Variants in ENTREP2 observed in about 807,000 individuals in gnomAD.
The protein encoded by ENTREP2 is endosomal transmembrane epsin interactor 2.
At chr15:29,468,312 A>G in the ENTREP2 span, among the ~76,000 whole-genome samples, 73,838 of 151,982 alleles carry the variant, frequency 0.49, 18,508 homozygotes, top group African/African-American at 0.63. Context: ...CTAAATGTGA[A>G]TGATTAAGAA....
chr15:29,593,350 T>C, the ENTREP2 span, among the ~76,000 whole-genome samples: 2 of 152,258 alleles, frequency 1.3e-5, no homozygotes, highest in South Asian at 4.1e-4. Context: ...TATGCCCTCA[T>C]TCATTCCTGA....
At chr15:29,200,717 C>T in the ENTREP2 span, among the ~76,000 whole-genome samples, 3 of 151,864 alleles carry the variant, frequency 2.0e-5, no homozygotes, top group African/African-American at 7.3e-5. Flanking sequence ...CGCCACCAGG[C>T]CCAGCTAATT....
chr15:29,396,018 A>G, the ENTREP2 span, among the ~76,000 whole-genome samples: 1 of 152,346 alleles, frequency 6.6e-6, no homozygotes, highest in South Asian at 2.1e-4. Context: ...TATAAAATGT[A>G]CAACATGATT....
the ENTREP2 span, among the ~76,000 whole-genome samples, chr15:29,595,383 C>T: frequency 6.6e-6 from 1 of 152,298 alleles, no homozygotes; most frequent in East Asian, 1.9e-4. Flanking sequence ...TTATTAACAT[C>T]TTACCTTAAT....
the ENTREP2 span, among the ~76,000 whole-genome samples, chr15:29,176,260 C>T: frequency 1.5e-4 from 23 of 152,220 alleles, no homozygotes; most frequent in African/African-American, 5.3e-4. Context: ...TCCTGAGAGC[C>T]GTGGCACATA....
chr15:29,675,304 G>C, the ENTREP2 span: 1 of 152,280 alleles, frequency 6.6e-6, no homozygotes, highest in African/African-American at 2.4e-5. Context: ...TCCTGGGACC[G>C]CGGGATGGGA....
chr15:29,352,607 GC>G, the ENTREP2 span, among the ~76,000 whole-genome samples: 3 of 152,044 alleles, frequency 2.0e-5, no homozygotes, highest in Admixed American at 2.0e-4. Flanking sequence ...TCATCACCTG[GC>G]AGATTTACTA....
the ENTREP2 span, among the ~76,000 whole-genome samples, chr15:29,349,774 T>C: frequency 6.6e-6 from 1 of 152,132 alleles, no homozygotes; most frequent in Admixed American, 6.5e-5. Context: ...GGCGCGTACC[T>C]GTAGTCCCAG....
chr15:29,566,293 G>T, the ENTREP2 span, among the ~76,000 whole-genome samples: 5 of 151,608 alleles, frequency 3.3e-5, no homozygotes, highest in Admixed American at 6.6e-5. Flanking sequence ...AGAGCAGCTG[G>T]AACTACAGGC....
the ENTREP2 span, among the ~76,000 whole-genome samples, chr15:29,518,290 G>A: frequency 2.0e-5 from 3 of 152,208 alleles, no homozygotes; most frequent in Admixed American, 2.0e-4. Context: ...TAGTAACCAT[G>A]CCGTACGTTA....
At chr15:29,456,067 G>A in the ENTREP2 span, among the ~76,000 whole-genome samples, 10 of 152,064 alleles carry the variant, frequency 6.6e-5, no homozygotes, top group Admixed American at 3.3e-4. Flanking sequence ...TACAATAAAC[G>A]TAATGTGCTT....
the ENTREP2 span, among the ~76,000 whole-genome samples, chr15:29,134,158 T>C: frequency 6.6e-6 from 1 of 152,136 alleles, no homozygotes; most frequent in Non-Finnish European, 1.5e-5. Context: ...CTGATAACAT[T>C]GATTTGAATT....
chr15:29,513,733 T>C, the ENTREP2 span, among the ~76,000 whole-genome samples: 1,015 of 152,272 alleles, frequency 6.7e-3, 5 homozygotes, highest in African/African-American at 0.024. Flanking sequence ...CCCACCCAAA[T>C]GCAAGCTCTC....
chr15:29,360,208 G>A, the ENTREP2 span, among the ~76,000 whole-genome samples: 10 of 152,076 alleles, frequency 6.6e-5, no homozygotes, highest in Non-Finnish European at 1.0e-4. Flanking sequence ...TTTTTCTAAC[G>A]CTATATCTTT....
chr15:29,250,514 C>T, the ENTREP2 span, among the ~76,000 whole-genome samples: 1 of 152,064 alleles, frequency 6.6e-6, no homozygotes, highest in South Asian at 2.1e-4. Context: ...ATGCAGTCTG[C>T]GATGTGGGAA....
chr15:29,216,914 T>C, the ENTREP2 span, among the ~76,000 whole-genome samples: 1 of 152,296 alleles, frequency 6.6e-6, no homozygotes, highest in East Asian at 1.9e-4. Context: ...AAGAGTCCTT[T>C]ATTTAAGCCG....
At chr15:29,433,481 A>G in the ENTREP2 span, among the ~76,000 whole-genome samples, 18 of 152,216 alleles carry the variant, frequency 1.2e-4, no homozygotes, top group African/African-American at 4.3e-4. Context: ...CCATGAGAGA[A>G]AGACCAATTT....
At chr15:29,134,562 G>C in the ENTREP2 span, among the ~76,000 whole-genome samples, 1 of 152,190 alleles carries the variant, frequency 6.6e-6, no homozygotes, top group South Asian at 2.1e-4. Context: ...CCAGGTGCGG[G>C]GCACCTTACA....
chr15:29,134,122 A>G, the ENTREP2 span, among the ~76,000 whole-genome samples: 1 of 152,166 alleles, frequency 6.6e-6, no homozygotes, highest in African/African-American at 2.4e-5. Context: ...GCTGATGACA[A>G]CTATTATCAC....
Sources: gnomAD v4.1 joint callset for allele counts (sites outside exome capture counted in the v4.1 genomes callset) on GRCh38, gnomAD v4.1.1 for gene constraint, MANE v1.5 for transcripts, NCBI Gene and HGNC (gene_info 2026-07-23, HGNC 2026-07-21) for gene names.